The following METTL9 variants were observed in gnomAD, a reference collection of about 807,000 sequenced individuals.
METTL9 encodes the protein methyltransferase 9, His-X-His N1(pi)-histidine.
In METTL9, 10 loss-of-function variants were observed where a neutral mutation model predicts 36.0. That is an observed-to-expected ratio of 0.28 (90% CI 0.17 to 0.47). METTL9 has a LOEUF of 0.47. METTL9 is among the 20% of genes least tolerant of loss of function. METTL9 has a pLI of 0.99. For synonymous variants in METTL9, 175 were observed against 149.7 expected (o/e 1.17, Z -1.23); for missense variants, 246 against 383.5 (o/e 0.64, Z 3.00).
intron 1 of METTL9, among the ~76,000 whole-genome samples, chr16:21,611,674 A>AT (rs1407803414): frequency 2.0e-5 from 3 of 152,156 alleles, no homozygotes; most frequent in Admixed American, 6.5e-5. Context: ...CCCTGCCAGG[A>AT]TATATAGACC....
chr16:21,613,672 G>A (rs1253138640), intron 2 of METTL9, among the ~76,000 whole-genome samples: 1 of 152,086 alleles, frequency 6.6e-6, no homozygotes, highest in African/African-American at 2.4e-5. Flanking sequence ...TAATTAGTCA[G>A]CCCAACAGTG....
chr16:21,613,231 A>G (rs1965476861), intron 2 of METTL9, among the ~76,000 whole-genome samples: 2 of 135,206 alleles, frequency 1.5e-5, no homozygotes, highest in South Asian at 4.5e-4. Context: ...TGTTTCCCAG[A>G]CTGGAGTGCA....
At position 21,657,000 on chromosome 16, in the gene METTL9, T is replaced by C. The variant is rs1298746780; in HGVS notation, c.*1568T>C. 6.6e-6 allele frequency: 1 copy of C among 152,104 alleles called. No homozygotes were observed. The highest frequency in any genetic ancestry group is 1.9e-4 in the East Asian group (1 of 5,192). 9.4% of individuals were successfully genotyped at this position (152,104 alleles called of 1,614,324 possible). Reference sequence around the variant, plus strand: ...AGAAAGAGGAAATGAGAAAACTTAATGTCGTTCTTGTACAGTTGAGTTTTG... The same window carrying C: ...AGAAAGAGGAAATGAGAAAACTTAACGTCGTTCTTGTACAGTTGAGTTTTG... On this transcript the variant is annotated 3_prime_UTR_variant, in exon 5 of 5. Transcript: ENST00000358154.
intron 3 of METTL9, among the ~76,000 whole-genome samples, chr16:21,620,146 G>A (rs1965659160): frequency 6.6e-6 from 1 of 152,172 alleles, no homozygotes; most frequent in Non-Finnish European, 1.5e-5. Context: ...TAGGGAGATC[G>A]ACCTTCCTAG....
At chr16:21,607,543 T>C (rs1177022562) in intron 1 of METTL9, among the ~76,000 whole-genome samples, 3 of 152,234 alleles carry the variant, frequency 2.0e-5, no homozygotes, top group Non-Finnish European at 4.4e-5. Flanking sequence ...TGCTATTTAC[T>C]GTAATTTTTA....
intron 4 of METTL9, among the ~76,000 whole-genome samples, chr16:21,641,827 C>G (rs1330256860): frequency 2.0e-5 from 3 of 152,106 alleles, no homozygotes; most frequent in Middle Eastern, 3.4e-3. Flanking sequence ...TGGCTGGGAG[C>G]TTTACAATTC....
chr16:21,630,961 A>G (rs1460376903), intron 4 of METTL9, among the ~76,000 whole-genome samples: 2 of 152,174 alleles, frequency 1.3e-5, no homozygotes, highest in African/African-American at 2.4e-5. Flanking sequence ...TGGTTAGTGT[A>G]AAAACAACAC....
chr16:21,606,762 A>G (rs1411795109), intron 1 of METTL9, among the ~76,000 whole-genome samples: 8 of 152,184 alleles, frequency 5.3e-5, no homozygotes, highest in African/African-American at 1.7e-4. Context: ...TCTATCAGGA[A>G]CCTGGGACAA....
At chr16:21,629,492 C>T (rs934169988) in intron 4 of METTL9, among the ~76,000 whole-genome samples, 4 of 152,208 alleles carry the variant, frequency 2.6e-5, no homozygotes, top group African/African-American at 9.7e-5. Context: ...CTTGGTCTCT[C>T]TGACTTCAGG....
intron 4 of METTL9, chr16:21,625,324 G>A (rs1965793791): frequency 1.8e-6 from 1 of 551,296 alleles, no homozygotes. Flanking sequence ...CCTTGCAGTG[G>A]TAATAATTAA....
intron 4 of METTL9, chr16:21,643,181 T>C (rs571721102): frequency 6.5e-7 from 1 of 1,533,834 alleles, no homozygotes; most frequent in Non-Finnish European, 9.0e-7. Context: ...GAAAAAAAAA[T>C]TCTCTTTTGG....
At chr16:21,609,325 T>C (rs1184651553) in intron 1 of METTL9, among the ~76,000 whole-genome samples, 1 of 152,196 alleles carries the variant, frequency 6.6e-6, no homozygotes, top group Non-Finnish European at 1.5e-5. Flanking sequence ...TGTCTGTATC[T>C]GTGCCAGGCA....
chr16:21,643,890 T>G (rs1009199867), intron 4 of METTL9, among the ~76,000 whole-genome samples: 4 of 152,226 alleles, frequency 2.6e-5, no homozygotes, highest in Admixed American at 6.5e-5. Flanking sequence ...TTGAAGATTT[T>G]AAGGCGGCTT....
At chr16:21,603,691 A>G (rs1333173102) in intron 1 of METTL9, among the ~76,000 whole-genome samples, 1 of 152,176 alleles carries the variant, frequency 6.6e-6, no homozygotes, top group Non-Finnish European at 1.5e-5. Context: ...GGTTCTTGGT[A>G]ATAATAGCGG....
chr16:21,599,650 TGGCGGCGGTGGCCGGA>T lies in METTL9; in HGVS notation c.-73_-58del. On this transcript the variant is annotated 5_prime_UTR_variant, in exon 1 of 5. It removes the in-frame stop codon of an upstream open reading frame in the 5' UTR. Transcript: ENST00000358154. This position sits in a 1 kb window ranked among gnomAD's most constrained non-coding sequence, Gnocchi z 4.4. ...GCCGCGATGGCTCGAGCTCGGGCGG[TGGCGGCGGTGGCCGGA>T]GGCGGCGGTGCCTCCTCCTCCTCGC... 1.5e-6 allele frequency: 2 copies of T among 1,345,168 alleles called. No individual in the cohort carries two copies. Among genetic ancestry groups the T allele is most frequent in the African/African-American group, 1.5e-5 (1 of 64,676 alleles). 83.3% of individuals were successfully genotyped at this position (1,345,168 alleles called of 1,614,324 possible).
chr16:21,632,666 T>C (rs1417029909), intron 4 of METTL9, among the ~76,000 whole-genome samples: 2 of 152,094 alleles, frequency 1.3e-5, no homozygotes, highest in Admixed American at 6.5e-5. Flanking sequence ...GCCATAAACT[T>C]CCTTTGGCAC....
intron 1 of METTL9, among the ~76,000 whole-genome samples, chr16:21,603,742 A>G (rs1268882248): frequency 6.6e-6 from 1 of 152,152 alleles, no homozygotes; most frequent in East Asian, 1.9e-4. Context: ...AAATTGTTAT[A>G]GAACTCGCTG....
At position 21,641,433 on chromosome 16, in the gene METTL9, T is replaced by C. The variant is rs962473796; in HGVS notation, c.752-13794T>C. The C allele has an allele frequency of 5.3e-6, 3 of 564,366 alleles. No homozygotes were observed. The East Asian group carries it at 9.4e-5, about 18-fold the overall frequency. 35.0% of individuals were successfully genotyped at this position (564,366 alleles called of 1,614,324 possible). On this transcript the variant is annotated intron_variant, in intron 4 of 4. Transcript: ENST00000358154. ...TTTGTAGCCAGTTGTCTTTTCAGTT[T>C]ACCTTTATTTTTTTTTAAGACCTGA... is the stretch of plus-strand genomic sequence containing the variant.
intron 4 of METTL9, among the ~76,000 whole-genome samples, chr16:21,633,153 G>C (rs1441039450): frequency 2.6e-5 from 4 of 152,160 alleles, no homozygotes; most frequent in Non-Finnish European, 5.9e-5. Context: ...GGATAAGCCA[G>C]TATAGGCTGT....
Sources: allele counts gnomAD v4.1 joint callset (sites outside exome capture counted in the v4.1 genomes callset), GRCh38; gene constraint gnomAD v4.1.1; non-coding constraint Gnocchi (gnomAD v3.1); transcripts MANE v1.5; gene names NCBI Gene and HGNC (gene_info 2026-07-23, HGNC 2026-07-21).